The following TSNARE1 variants were observed in gnomAD, a reference collection of about 807,000 sequenced individuals.
TSNARE1 encodes the protein t-SNARE domain containing 1, also known as t-SNARE domain-containing protein 1.
TSNARE1 carries 49 observed loss-of-function variants against 62.0 expected under a neutral mutation model. That is an observed-to-expected ratio of 0.79 (90% CI 0.63 to 1.00). The LOEUF is 1.00. TSNARE1 is among the 50% of genes least tolerant of loss of function. The pLI, the probability that TSNARE1 is intolerant of heterozygous loss-of-function variation, is 0.00. For missense variants in TSNARE1, 755 were observed against 700.1 expected (o/e 1.08, Z -0.88); for synonymous variants, 328 against 294.4 (o/e 1.11, Z -1.17).
intron 13 of TSNARE1, among the ~76,000 whole-genome samples, chr8:142,223,035 T>TTCACTCATTCAC (rs1816505733): frequency 2.8e-4 from 2 of 7,064 alleles, no homozygotes; most frequent in African/African-American, 4.2e-4. Flanking sequence ...CACTCACTCA[T>TTCACTCATTCAC]TCACTCACTC....
chr8:142,270,852 G>C, intron 12 of TSNARE1: 3 of 985,492 alleles, frequency 3.0e-6, no homozygotes, highest in Non-Finnish European at 3.6e-6. Context: ...GAGTCCCACA[G>C]GTCGGCTCTC....
In TSNARE1 at chr8:142,401,329, G is replaced by A. The variant is rs190130119; in HGVS notation, c.-40+1775C>T. On this transcript the variant is annotated intron_variant, in intron 1 of 13. Transcript: ENST00000524325. ...CAGAGGCTCCCAGGCACACAGGAGA[G>A]ACAAACACGGGAGTGCCAGGGCATT... 4.6e-5 allele frequency among the ~76,000 whole-genome samples: 7 copies of A among 152,276 alleles called. No individual in the cohort carries two copies. In the East Asian group the frequency reaches 1.4e-3, roughly 29 times the overall value.
chr8:142,229,334 T>C (rs1420077016), intron 13 of TSNARE1, 139 bp downstream of exon 13: 4 of 698,570 alleles, frequency 5.7e-6, no homozygotes, highest in Non-Finnish European at 1.0e-5. Context: ...GATGGACAGA[T>C]GGACGGTAGA....
Position 142,283,237 on chromosome 8 carries a change from T to C in TSNARE1, c.1363+1176A>G, listed in dbSNP as rs1185333315. Among the ~76,000 whole-genome samples the C allele has an allele frequency of 4.1e-5, 6 of 144,950 alleles. No individual in the cohort carries two copies. The South Asian group carries it at 9.0e-4, about 22-fold the overall frequency. On this transcript the variant is annotated intron_variant, in intron 11 of 13. Transcript: ENST00000524325. The stretch of plus-strand genomic sequence containing the variant: ...CAAAAGCGGGATCAGTGTCTGCCAA[T>C]GAGCAGAGGCGGGGTCAGTGTCTGC...
rs1817635281 is a variant in TSNARE1 at position 142,240,638 on chromosome 8, C to T, written c.1447-11059G>A. 2.0e-5 allele frequency among the ~76,000 whole-genome samples: 3 copies of T among 152,080 alleles called. No individual in the cohort carries two copies. The South Asian group carries it at 6.2e-4, about 32-fold the overall frequency. ...CAAATTTCAAAGAAGCAGTGTTGGA[C>T]ATAAAAGAAATTCTCTGAGCAAAAT... On this transcript the variant is annotated intron_variant, in intron 12 of 13. Coordinates refer to ENST00000524325, the MANE Select transcript of TSNARE1 (RefSeq NM_145003.5).
chr8:142,237,630 C>CA (rs1162337612), intron 12 of TSNARE1, among the ~76,000 whole-genome samples: 1 of 152,186 alleles, frequency 6.6e-6, no homozygotes, highest in Non-Finnish European at 1.5e-5. Context: ...TCCGTGGCCG[C>CA]ATGCTGTGAG....
At chr8:142,302,137 C>T (rs1053107705) in intron 9 of TSNARE1, among the ~76,000 whole-genome samples, 8 of 152,172 alleles carry the variant, frequency 5.3e-5, no homozygotes, top group African/African-American at 1.2e-4. Flanking sequence ...CTGCAGTGAA[C>T]GTGCAATTCA....
chr8:142,222,204 AC>A lies in TSNARE1; in HGVS notation c.*11+7268del, dbSNP rs1563754701. Among the ~76,000 whole-genome samples the A allele has an allele frequency of 1.4e-3, 103 of 72,732 alleles. 8 individuals are homozygous for A. Among genetic ancestry groups the A allele is most frequent in the African/African-American group, 5.6e-3 (95 of 16,928 alleles). 47.7% of individuals were successfully genotyped at this position (72,732 alleles called of 152,430 possible). On this transcript the variant is annotated intron_variant, in intron 13 of 13. Coordinates refer to ENST00000524325, the MANE Select transcript of TSNARE1 (RefSeq NM_145003.5). ...CATCCACTCACTCATTCACTCACTC[AC>A]TCATCCGCTCATTCACTCACTCATC...
chr8:142,250,088 G>A (rs946362364), intron 12 of TSNARE1, among the ~76,000 whole-genome samples: 33 of 152,192 alleles, frequency 2.2e-4, no homozygotes, highest in Admixed American at 1.9e-3. Flanking sequence ...TGCGCCGCAT[G>A]AGACCTGCTG....
intron 13 of TSNARE1, among the ~76,000 whole-genome samples, chr8:142,223,501 C>T (rs1368228852): frequency 6.6e-6 from 1 of 151,138 alleles, no homozygotes; most frequent in African/African-American, 2.4e-5. Context: ...TTCACTCACT[C>T]ACTCATTTAT....
At chr8:142,278,316 G>A (rs989994644) in intron 11 of TSNARE1, 22 of 985,326 alleles carry the variant, frequency 2.2e-5, no homozygotes, top group Middle Eastern at 5.2e-4. Flanking sequence ...ATGCCCCAGC[G>A]CTCCAAGTTC....
At chr8:142,402,828 T>A (rs1388971849) in intron 1 of TSNARE1, 1 of 152,030 alleles carries the variant, frequency 6.6e-6, no homozygotes, top group Non-Finnish European at 1.5e-5. Context: ...GCCGAGGGGC[T>A]CATGTGCCCG....
chr8:142,213,632 G>A (rs1815682514), intron 13 of TSNARE1, among the ~76,000 whole-genome samples: 2 of 152,154 alleles, frequency 1.3e-5, no homozygotes, highest in African/African-American at 2.4e-5. Flanking sequence ...TGGAGGAGCA[G>A]AGGAAGGAGG....
At chr8:142,284,933 G>C (rs966937198) in intron 10 of TSNARE1, among the ~76,000 whole-genome samples, 1 of 152,222 alleles carries the variant, frequency 6.6e-6, no homozygotes, top group African/African-American at 2.4e-5. Flanking sequence ...ACTTGCCTGG[G>C]TGCTCCTGCA....
chr8:142,218,926 A>G (rs1816076507), intron 13 of TSNARE1, among the ~76,000 whole-genome samples: 1 of 152,178 alleles, frequency 6.6e-6, no homozygotes, highest in African/African-American at 2.4e-5. Flanking sequence ...CCGGAAGCAA[A>G]ATTGCTTGCT....
chr8:142,269,691 T>G, intron 12 of TSNARE1: 6 of 985,074 alleles, frequency 6.1e-6, no homozygotes, highest in Non-Finnish European at 7.2e-6. Flanking sequence ...TTCCTGGAGG[T>G]GGTGGGACTG....
intron 1 of TSNARE1, among the ~76,000 whole-genome samples, chr8:142,388,941 C>T (rs1331674407): frequency 6.6e-6 from 1 of 152,084 alleles, no homozygotes; most frequent in East Asian, 1.9e-4. Context: ...AGAAAATATT[C>T]CTTGGAACAA....
intron 12 of TSNARE1, among the ~76,000 whole-genome samples, chr8:142,244,908 G>A (rs868800833): frequency 7.2e-5 from 11 of 152,274 alleles, no homozygotes; most frequent in Admixed American, 2.6e-4. Flanking sequence ...TTTGCAACAC[G>A]TGTAGACTCA....
chr8:142,335,394 G>A (rs540324893), intron 4 of TSNARE1, among the ~76,000 whole-genome samples: 11 of 152,294 alleles, frequency 7.2e-5, no homozygotes, highest in Non-Finnish European at 8.8e-5. Context: ...TCAATGAGGC[G>A]GGCGTGGGAC....
Sources: allele counts gnomAD v4.1 joint callset (sites outside exome capture counted in the v4.1 genomes callset), GRCh38; gene constraint gnomAD v4.1.1; transcripts MANE v1.5; gene names NCBI Gene and HGNC (gene_info 2026-07-23, HGNC 2026-07-21).